Variants in MYBPC3 observed in about 807,000 individuals in gnomAD.
MYBPC3 encodes myosin binding protein C3.
Under a neutral mutation model 159.3 loss-of-function variants are expected in MYBPC3, and 108 were observed. That is an observed-to-expected ratio of 0.68 (90% CI 0.58 to 0.80). The LOEUF (loss-of-function observed/expected upper bound fraction) is 0.80, where lower values mean the gene tolerates loss of function less well. Ranked by LOEUF, MYBPC3 falls within the 30% of genes least tolerant of loss-of-function variation. The pLI is 0.00. For synonymous variants in MYBPC3, 730 were observed against 702.0 expected, an observed-to-expected ratio of 1.04 and a Z score of -0.63; for missense variants, 1,631 against 1,762.1, an observed-to-expected ratio of 0.93 and a Z score of 1.33.
chr11:47,342,580 T>C lies in MYBPC3; in HGVS notation c.1622A>G (p.Gln541Arg). The change falls in exon 17 of 35, where the codon CAG becomes CGG. Residue 541 changes from glutamine to arginine, a missense_variant and splice_region_variant. Transcript: ENST00000545968. ...GGQALAELIV[Q>R]EKKLEVYQSI... Reference sequence around the variant, plus strand: ...TGTGCCCCCCCAGCCAGGCTCACCCTGCACAATGAGCTCAGCCAGCGCCTG... The same window carrying C: ...TGTGCCCCCCCAGCCAGGCTCACCCCGCACAATGAGCTCAGCCAGCGCCTG... 6.3e-7 allele frequency: 1 copy of C among 1,597,176 alleles called. No individual in the cohort carries two copies. The highest frequency in any genetic ancestry group is 1.1e-5 in the South Asian group (1 of 88,280).
chr11:47,350,745 C>T (rs1377668789), intron 2 of MYBPC3, 130 bp from the exon 3 acceptor site: 3 of 1,344,554 alleles, frequency 2.2e-6, no homozygotes, highest in East Asian at 6.0e-5. Context: ...CCTCCCGCTG[C>T]CTGGGCCCCT....
chr11:47,333,135 G>T, intron 30 of MYBPC3, 59 bp downstream of exon 30: 1 of 1,559,756 alleles, frequency 6.4e-7, no homozygotes, highest in Non-Finnish European at 8.7e-7. Context: ...GGGTAGCTGC[G>T]GCCTGGGTCT....
At chr11:47,335,421 G>A (rs953630063) in intron 26 of MYBPC3, among the ~76,000 whole-genome samples, 10 of 152,290 alleles carry the variant, frequency 6.6e-5, no homozygotes, top group Admixed American at 3.3e-4. Context: ...TCTGCCTCCC[G>A]AGTTCAAGTG....
chr11:47,332,780 C>A lies in MYBPC3; in HGVS notation c.3490+34G>T. 1 of 1,589,946 alleles carries A rather than the reference C, an allele frequency of 6.3e-7. No individual in the cohort carries two copies. The highest frequency in any genetic ancestry group is 1.3e-5 in the African/African-American group (1 of 74,528). On this transcript the variant is annotated intron_variant, in intron 31 of 34. Coordinates refer to ENST00000545968, the MANE Select transcript of MYBPC3 (RefSeq NM_000256.3). This position sits in a 1 kb window ranked among gnomAD's most constrained non-coding sequence, Gnocchi z 4.2. ...TCCCTGTTCCCACAGCCTCCCTGCC[C>A]CAGCCCCTGGTTGGAAGAATGAGGG... is the stretch of plus-strand genomic sequence containing the variant.
rs1595850248 is a variant in MYBPC3, at chr11:47,350,595, C to A, written c.313G>T (p.Ala105Ser). ...GCCTCAGCAGGGGCAGGGGCAGGGG[C>A]CAGCATGGGCTCTGCCTTCTCTGGA... ...IEAEKAEPML[A>S]PAPAPAEATG... Residue 105 changes from alanine to serine, a missense_variant, in exon 3 of 35, where the codon GCC (alanine) becomes TCC (serine). Transcript: ENST00000545968. The A allele has an allele frequency of 2.6e-6, 4 of 1,510,746 alleles. No individual in the cohort carries two copies. The highest frequency in any genetic ancestry group is 1.4e-5 in the African/African-American group (1 of 69,640). The allele number at this position is 1,510,746 out of a possible 1,614,324, so 93.6% of individuals were successfully genotyped here. A position where few individuals can be genotyped will look rare whatever the true frequency, so the allele number is the denominator to read the frequency against.
In MYBPC3 at chr11:47,332,758, C is replaced by T; in HGVS notation, c.3490+56G>A. 6.3e-7 allele frequency: 1 copy of T among 1,584,638 alleles called. No homozygotes were observed. The highest frequency in any genetic ancestry group is 8.6e-7 in the Non-Finnish European group (1 of 1,164,536). On this transcript the variant is annotated intron_variant, in intron 31 of 34. Transcript: ENST00000545968. This position sits in a 1 kb window ranked among gnomAD's most constrained non-coding sequence, Gnocchi z 4.2. ...GCCACACAAAGCTAGGCCCCTCTCCCTGTTCCCACAGCCTCCCTGCCCCAG... is the reference window on the plus strand; with the variant it reads ...GCCACACAAAGCTAGGCCCCTCTCCTTGTTCCCACAGCCTCCCTGCCCCAG...
At chr11:47,335,764 C>T in intron 26 of MYBPC3, 113 bp downstream of exon 26, 1 of 973,698 alleles carries the variant, frequency 1.0e-6, no homozygotes. Context: ...TCTGGGTGTC[C>T]TCAACTTTCG....
chr11:47,342,428 G>C, intron 17 of MYBPC3, 150 bp downstream of exon 17: 1 of 1,105,704 alleles, frequency 9.0e-7, no homozygotes, highest in South Asian at 1.8e-5. Context: ...CGTCATTTTA[G>C]AGATGAGAAG....
At position 47,349,802 on chromosome 11, in the gene MYBPC3, A is replaced by C. The variant is rs1595849592; in HGVS notation, c.626T>G (p.Leu209Arg). Residue 209 changes from leucine to arginine, a missense_variant, in exon 5 of 35, where the codon CTG becomes CGG. By Grantham distance (102) the Leu-to-Arg change is moderately radical (BLOSUM62 -2). Transcript: ENST00000545968. Reference protein sequence around the residue: ...LSSKVGQHLQLHDSYDRASKV... With the variant: ...LSSKVGQHLQRHDSYDRASKV... ...GCTGGCGCGGTCGTAGCTGTCGTGC[A>C]GCTGCAGGTGCTGGCCCACCTTGCT... 1.2e-6 allele frequency: 2 copies of C among 1,609,422 alleles called. No homozygotes were observed. The highest frequency in any genetic ancestry group is 1.7e-6 in the Non-Finnish European group (2 of 1,179,718).
intron 20 of MYBPC3, among the ~76,000 whole-genome samples, chr11:47,340,180 CACACAG>C (rs1326751629): frequency 2.6e-5 from 4 of 151,326 alleles, no homozygotes; most frequent in African/African-American, 7.3e-5. Flanking sequence ...CACACATGCA[CACACAG>C]ACACACACAT....
rs2095880712 is a variant in MYBPC3 at position 47,334,916 on chromosome 11, C to T, written c.2905+126G>A. 4 of 1,173,586 alleles carry T rather than the reference C, an allele frequency of 3.4e-6. No homozygotes were observed. The Admixed American group carries it at 1.2e-4, about 35-fold the overall frequency. The allele number at this position is 1,173,586 out of a possible 1,614,324, so 72.7% of individuals were successfully genotyped here. ...AGCGCATGGACGATGGCTCCAACCC[C>T]TCCTGTCTCTGCCCAGCGTTCTGGG... is the stretch of plus-strand genomic sequence containing the variant. On this transcript the variant is annotated intron_variant, in intron 27 of 34. Coordinates refer to ENST00000545968, the MANE Select transcript of MYBPC3 (RefSeq NM_000256.3).
intron 24 of MYBPC3, 36 bp downstream of exon 24, chr11:47,337,654 C>G (rs201365531): frequency 9.7e-5 from 155 of 1,604,086 alleles, no homozygotes; most frequent in Non-Finnish European, 1.2e-4. Flanking sequence ...ATCTGTTTGG[C>G]GCCCTCACAC....
rs1595846367 is a variant in MYBPC3, at chr11:47,342,883, C to T, written c.1404G>A (p.Gly468=). Residue 468 remains glycine (G), a synonymous_variant, in exon 16 of 35, where the codon GGG becomes GGA. Transcript: ENST00000545968. ...CTTCACACTCAAACTCCACCCGCTGCCCCACCATCACCAGCTGGTCCTCCA... is the reference window on the plus strand; with the variant it reads ...CTTCACACTCAAACTCCACCCGCTGTCCCACCATCACCAGCTGGTCCTCCA... ...RPLEDQLVMV[G]QRVEFECEVS... The T allele has an allele frequency of 1.2e-6, 2 of 1,612,942 alleles. No individual in the cohort carries two copies. Among genetic ancestry groups the T allele is most frequent in the Non-Finnish European group, 1.7e-6 (2 of 1,179,414 alleles).
At position 47,333,730 on chromosome 11, in the gene MYBPC3, G is replaced by T. The variant is rs778132423; in HGVS notation, c.3017C>A (p.Thr1006Asn). The T allele has an allele frequency of 5.0e-6, 8 of 1,604,902 alleles. No homozygotes were observed. In the South Asian group the frequency reaches 6.6e-5, roughly 13 times the overall value. Residue 1006 changes from threonine to asparagine, a missense_variant, in exon 29 of 35, where the codon ACC becomes AAC. Coordinates refer to ENST00000545968, the MANE Select transcript of MYBPC3 (RefSeq NM_000256.3). ...PFQGKPRPQV[T>N]WTKEGQPLAG... ...CAGGGGCTGCCCCTCTTTGGTCCAG[G>T]TCACCTGAGGCCGGGGCTTGCCCTG... is the stretch of plus-strand genomic sequence containing the variant.
intron 20 of MYBPC3, 112 bp from the exon 21 acceptor site, chr11:47,339,902 G>A: frequency 8.5e-7 from 1 of 1,181,244 alleles, no homozygotes; most frequent in Non-Finnish European, 1.2e-6. Flanking sequence ...TTTTAGATTT[G>A]TATTGAGGTA....
chr11:47,332,368 CCTGA>C lies in MYBPC3; in HGVS notation c.3628-114_3628-111del. 6.9e-7 allele frequency: 1 copy of C among 1,440,996 alleles called. No individual in the cohort carries two copies. The highest frequency in any genetic ancestry group is 9.6e-7 in the Non-Finnish European group (1 of 1,039,086). The allele number at this position is 1,440,996 out of a possible 1,614,324, so 89.3% of individuals were successfully genotyped here. On this transcript the variant is annotated intron_variant, in intron 32 of 34. Transcript: ENST00000545968. The surrounding 1 kb of genome is among the most constrained non-coding windows in gnomAD (Gnocchi z 4.2). The stretch of plus-strand genomic sequence containing the variant: ...CTACTCGGGGGGTCCCACGAGAGTC[CCTGA>C]CTATGCCCAAGGCTGGAAACAAACA...
chr11:47,350,175 G>C (rs1317720764), intron 3 of MYBPC3, 63 bp from the exon 4 acceptor site: 2 of 1,489,406 alleles, frequency 1.3e-6, no homozygotes, highest in South Asian at 1.2e-5. Context: ...CCAGGCTGGA[G>C]TGCAGAGGCA....
intron 9 of MYBPC3, 112 bp from the exon 10 acceptor site, chr11:47,347,141 C>CT (rs2095895126): frequency 7.2e-7 from 1 of 1,389,178 alleles, no homozygotes; most frequent in African/African-American, 1.4e-5. Context: ...GCTCTGGGGA[C>CT]CCTCTCTCTG....
At chr11:47,350,871 C>A (rs1198502703) in intron 2 of MYBPC3, among the ~76,000 whole-genome samples, 1 of 152,204 alleles carries the variant, frequency 6.6e-6, no homozygotes, top group African/African-American at 2.4e-5. Context: ...CAGGTCCATC[C>A]CTGCTCTGCC....
Sources: gnomAD v4.1 joint callset for allele counts (sites outside exome capture counted in the v4.1 genomes callset) on GRCh38, gnomAD v4.1.1 for gene constraint, Gnocchi (gnomAD v3.1) non-coding constraint, MANE v1.5 for transcripts, NCBI Gene and HGNC (gene_info 2026-07-23, HGNC 2026-07-21) for gene names.